Variants in TUSC3 observed in about 807,000 individuals in gnomAD.
TUSC3 encodes dolichyl-diphosphooligosaccharide--protein glycosyltransferase subunit TUSC3.
Under a neutral mutation model 44.8 loss-of-function variants are expected in TUSC3, and 45 were observed. That is an observed-to-expected ratio of 1.00 (90% CI 0.79 to 1.29). TUSC3 has a LOEUF of 1.29. TUSC3 is among the 50% of genes most tolerant of loss of function. The pLI is 0.00. For synonymous variants in TUSC3, 212 were observed against 152.9 expected (o/e 1.39, Z -2.85); for missense variants, 519 against 437.9 (o/e 1.19, Z -1.65).
chr8:15,803,621 T>C, the TUSC3 span, among the ~76,000 whole-genome samples: 2 of 152,204 alleles, frequency 1.3e-5, no homozygotes, highest in African/African-American at 2.4e-5. Context: ...GGTATACACC[T>C]GCCATGGTGG....
At chr8:15,484,134 T>G (rs1800704586) in intron 2 of TUSC3, among the ~76,000 whole-genome samples, 1 of 152,218 alleles carries the variant, frequency 6.6e-6, no homozygotes, top group Admixed American at 6.5e-5. Flanking sequence ...AATTGTTTTC[T>G]AAATCCTTCT....
upstream of TUSC3, among the ~76,000 whole-genome samples, chr8:15,535,245 C>G (rs1801505532): frequency 6.6e-6 from 1 of 152,130 alleles, no homozygotes. Flanking sequence ...TTTGTGCACT[C>G]CAGTTTGAAG....
intron 3 of TUSC3, among the ~76,000 whole-genome samples, chr8:15,653,331 A>G (rs182751626): frequency 6.6e-6 from 1 of 152,194 alleles, no homozygotes; most frequent in African/African-American, 2.4e-5. Context: ...AAATTTTTAT[A>G]TGAAATTTCT....
the TUSC3 span, among the ~76,000 whole-genome samples, chr8:15,797,180 G>A: frequency 6.6e-6 from 1 of 152,180 alleles, no homozygotes; most frequent in East Asian, 1.9e-4. Flanking sequence ...TTCCCAAAAT[G>A]GAAAGCGTAT....
intron 6 of TUSC3, among the ~76,000 whole-genome samples, chr8:15,708,140 G>T (rs898772410): frequency 1.3e-5 from 2 of 151,884 alleles, no homozygotes; most frequent in African/African-American, 2.4e-5. Flanking sequence ...TTTGGAGGAG[G>T]ACATCATTCA....
the TUSC3 span, among the ~76,000 whole-genome samples, chr8:15,837,051 T>C: frequency 6.6e-6 from 1 of 152,202 alleles, no homozygotes. Flanking sequence ...TTTGTCTGAC[T>C]GTAAGATTCT....
chr8:15,735,892 G>GTTTT (rs1233785067), intron 7 of TUSC3, among the ~76,000 whole-genome samples: 1 of 148,394 alleles, frequency 6.7e-6, no homozygotes, highest in Non-Finnish European at 1.5e-5. Context: ...TGTTTTTTTG[G>GTTTT]TTTTTTTTTG....
intron 1 of TUSC3, among the ~76,000 whole-genome samples, chr8:15,598,444 C>G (rs942566771): frequency 1.3e-5 from 2 of 151,846 alleles, no homozygotes; most frequent in African/African-American, 4.8e-5. Context: ...TGTTAAAATT[C>G]ATGAACCTAC....
intron 1 of TUSC3, among the ~76,000 whole-genome samples, chr8:15,445,876 T>G (rs1800089248): frequency 6.6e-6 from 1 of 151,422 alleles, no homozygotes; most frequent in Admixed American, 6.6e-5. Context: ...GCAGAGGGGC[T>G]CCTCACTTCC....
the TUSC3 span, among the ~76,000 whole-genome samples, chr8:15,830,938 C>G: frequency 7.2e-5 from 11 of 152,152 alleles, no homozygotes; most frequent in African/African-American, 2.7e-4. Flanking sequence ...AAAAGGAAGC[C>G]AAGTGTGCAC....
At chr8:15,540,808 C>T (rs938004962) in intron 1 of TUSC3, among the ~76,000 whole-genome samples, 1 of 152,222 alleles carries the variant, frequency 6.6e-6, no homozygotes, top group Non-Finnish European at 1.5e-5. Context: ...GCACCTCACA[C>T]CTTTCAGACC....
chr8:15,834,775 T>G, the TUSC3 span, among the ~76,000 whole-genome samples: 2 of 152,230 alleles, frequency 1.3e-5, no homozygotes, highest in African/African-American at 4.8e-5. Context: ...TCATTTCCTT[T>G]TCTTTGTATG....
In TUSC3 at chr8:15,424,952, A is replaced by G. The variant is rs560499825; in HGVS notation, n.91+7647A>G. 2.9e-3 allele frequency among the ~76,000 whole-genome samples: 438 copies of G among 152,266 alleles called. 2 individuals are homozygous for G. The highest frequency in any genetic ancestry group is 0.01 in the African/African-American group (423 of 41,554). Reference sequence around the variant, plus strand: ...TAGGGAATGGGCAGACATGTACAAAAGAATTATATCGGTGATGGCATTGTA... The same window carrying G: ...TAGGGAATGGGCAGACATGTACAAAGGAATTATATCGGTGATGGCATTGTA... On this transcript the variant is annotated intron_variant and non_coding_transcript_variant, in intron 1 of 5. Transcript: ENST00000503191.
At chr8:15,813,867 TCA>T in the TUSC3 span, among the ~76,000 whole-genome samples, 14 of 152,086 alleles carry the variant, frequency 9.2e-5, no homozygotes, top group Non-Finnish European at 1.6e-4. Flanking sequence ...GTGGTGAAGA[TCA>T]CAGTCTTCAC....
chr8:15,533,967 C>T (rs558116513), intron 2 of TUSC3, among the ~76,000 whole-genome samples: 47 of 152,194 alleles, frequency 3.1e-4, no homozygotes, highest in Non-Finnish European at 8.8e-5. Flanking sequence ...CTGACATTAG[C>T]CATTACGCAG....
At chr8:15,476,245 A>C (rs534043783) in intron 1 of TUSC3, among the ~76,000 whole-genome samples, 2 of 152,332 alleles carry the variant, frequency 1.3e-5, no homozygotes, top group South Asian at 2.1e-4. Flanking sequence ...AGGATGAAAA[A>C]ATAGCTACAC....
rs1225144304 is a variant in TUSC3 at position 15,440,184 on chromosome 8, C to T, written n.91+22879C>T. 3.9e-5 allele frequency among the ~76,000 whole-genome samples: 6 copies of T among 152,166 alleles called. No individual in the cohort carries two copies. The East Asian group carries it at 9.6e-4, about 24-fold the overall frequency. On this transcript the variant is annotated intron_variant and non_coding_transcript_variant, in intron 1 of 5. Transcript: ENST00000503191. ...GAGGAAATGAGGCTTCAGCTGAGGG[C>T]TGAAAGGTGAACAGAAGTTAACAAA...
At chr8:15,658,806 G>A (rs1472262857) in intron 3 of TUSC3, among the ~76,000 whole-genome samples, 1 of 151,856 alleles carries the variant, frequency 6.6e-6, no homozygotes, top group Non-Finnish European at 1.5e-5. Context: ...CCGTTTATAC[G>A]AGGGTAGTGT....
chr8:15,582,510 A>G (rs889306867), intron 1 of TUSC3, among the ~76,000 whole-genome samples: 2 of 152,240 alleles, frequency 1.3e-5, no homozygotes, highest in Admixed American at 6.5e-5. Context: ...TTATGTTTAT[A>G]TTTTAAATGG....
Sources: gnomAD v4.1 joint callset for allele counts (sites outside exome capture counted in the v4.1 genomes callset) on GRCh38, gnomAD v4.1.1 for gene constraint, MANE v1.5 for transcripts, NCBI Gene and HGNC (gene_info 2026-07-23, HGNC 2026-07-21) for gene names.